Variants in MGA observed in about 807,000 individuals in gnomAD.
MGA encodes MAX gene-associated protein.
MGA carries 40 observed loss-of-function variants against 261.1 expected under a neutral mutation model. The ratio of observed to expected loss-of-function variants is 0.15; its 90% CI spans 0.12 to 0.20. The LOEUF (loss-of-function observed/expected upper bound fraction) is 0.20, where lower values mean the gene tolerates loss of function less well. Among genes scored for constraint, MGA ranks in the 10% least tolerant of loss-of-function variants. The pLI, the probability that MGA is intolerant of heterozygous loss-of-function variation, is 1.00. For synonymous variants in MGA, 1,302 were observed against 1,290.6 expected, an observed-to-expected ratio of 1.01 and a Z score of -0.19; for missense variants, 3,397 against 3,630.5, an observed-to-expected ratio of 0.94 and a Z score of 1.65.
intron 22 of MGA, 135 bp downstream of exon 22, chr15:41,762,497 C>T (rs2063537143): frequency 1.8e-5 from 9 of 498,370 alleles, no homozygotes; most frequent in South Asian, 1.7e-4. Context: ...TTTTTGGAGA[C>T]AGCTCTGTCG....
At chr15:41,630,167 C>G (rs1693068192) in intron 1 of MGA, among the ~76,000 whole-genome samples, 1 of 152,078 alleles carries the variant, frequency 6.6e-6, no homozygotes, top group Non-Finnish European at 1.5e-5. Flanking sequence ...TCTTTTATAA[C>G]CCCCTTTTGG....
chr15:41,648,463 T>C (rs531287310), intron 1 of MGA, among the ~76,000 whole-genome samples: 20 of 152,332 alleles, frequency 1.3e-4, no homozygotes, highest in Non-Finnish European at 2.4e-4. Flanking sequence ...TAAGTAAATA[T>C]ACATTTTGGT....
intron 2 of MGA, among the ~76,000 whole-genome samples, chr15:41,687,510 C>T (rs1362443999): frequency 6.6e-6 from 1 of 152,036 alleles, no homozygotes; most frequent in Non-Finnish European, 1.5e-5. Flanking sequence ...TAGCCCTTTA[C>T]AGAAAAAAAT....
rs370436878 is a variant in MGA at position 41,669,789 on chromosome 15, G to C, written c.895G>C (p.Gly299Arg). ...TCGGGTCCGTCTTACAGAAGGTCAGGGGTCAGAGATACAACCAGGTGATTT... is the reference window on the plus strand; with the variant it reads ...TCGGGTCCGTCTTACAGAAGGTCAGCGGTCAGAGATACAACCAGGTGATTT... The change falls in exon 2 of 24, where the codon GGG (glycine) becomes CGG (arginine). Residue 299 changes from glycine (G) to arginine (R), a missense_variant. Coordinates refer to ENST00000219905, the MANE Select transcript of MGA (RefSeq NM_001164273.2). The C allele has an allele frequency of 6.2e-7, 1 of 1,613,858 alleles. No individual in the cohort carries two copies. Among genetic ancestry groups the C allele is most frequent in the African/African-American group, 1.3e-5 (1 of 74,910 alleles).
At chr15:41,645,311 C>G (rs573848609) in intron 1 of MGA, among the ~76,000 whole-genome samples, 1 of 152,176 alleles carries the variant, frequency 6.6e-6, no homozygotes, top group Non-Finnish European at 1.5e-5. Flanking sequence ...CTGTTAGGGC[C>G]GAGTGCGGTG....
At position 41,749,613 on chromosome 15, in the gene MGA, C is replaced by T. The variant is rs1313673899; in HGVS notation, c.6006C>T (p.Asp2002=). The T allele has an allele frequency of 1.9e-6, 3 of 1,613,834 alleles. No homozygotes were observed. The highest frequency in any genetic ancestry group is 1.7e-5 in the Admixed American group (1 of 59,984). The change falls in exon 17 of 24, where the codon GAC becomes GAT. Residue 2002 remains aspartate (D), a synonymous_variant. Coordinates refer to ENST00000219905, the MANE Select transcript of MGA (RefSeq NM_001164273.2). The stretch of plus-strand genomic sequence containing the variant: ...TACAGTCAGAAGGAGAGGCTGTAGA[C>T]CCTGAGGCTAATGTAATAAAACAAA...
At chr15:41,722,065 C>T (rs1031969636) in intron 9 of MGA, among the ~76,000 whole-genome samples, 31 of 150,526 alleles carry the variant, frequency 2.1e-4, no homozygotes, top group African/African-American at 6.6e-4. Flanking sequence ...AGGGGAAAAA[C>T]GCCAGGTAAA....
chr15:41,684,109 G>T (rs1403319787), intron 2 of MGA, among the ~76,000 whole-genome samples: 1 of 151,970 alleles, frequency 6.6e-6, no homozygotes. Context: ...TTGTCTACTT[G>T]TCTGTCTCCT....
At chr15:41,731,277 G>C (rs1033259844) in intron 11 of MGA, among the ~76,000 whole-genome samples, 1 of 151,850 alleles carries the variant, frequency 6.6e-6, no homozygotes, top group South Asian at 2.1e-4. Context: ...TAAAAACTTT[G>C]TTACCTATAT....
chr15:41,692,995 G>A lies in MGA; in HGVS notation c.1065-3080G>A, dbSNP rs563136321. ...TTATAGGCGTGAGCCACTGCGCCCA[G>A]CCAATTTTTTAAAAAATATTTTAGT... On this transcript the variant is annotated intron_variant, in intron 2 of 23. Coordinates refer to ENST00000219905, the MANE Select transcript of MGA (RefSeq NM_001164273.2). Among the ~76,000 whole-genome samples the A allele has an allele frequency of 3.0e-4, 46 of 152,222 alleles. 1 individual carries two copies. The highest frequency in any genetic ancestry group is 1.0e-3 in the African/African-American group (43 of 41,540).
At chr15:41,746,780 T>C (rs1382510796) in intron 15 of MGA, among the ~76,000 whole-genome samples, 1 of 152,034 alleles carries the variant, frequency 6.6e-6, no homozygotes, top group African/African-American at 2.4e-5. Flanking sequence ...AAAGTCTTTG[T>C]TTTGTTTCAT....
In MGA at chr15:41,766,482, G is replaced by A. The variant is rs1567115757; in HGVS notation, c.8400G>A (p.Glu2800=). Residue 2800 remains glutamate (E), a synonymous_variant, in exon 24 of 24, where the codon GAG becomes GAA. Transcript: ENST00000219905. Reference sequence around the variant, plus strand: ...TGAGGAAAGTAACATCAGCTATAGAGGAAGCAGCTCTTGATTCCAGTGAAC... The same window carrying A: ...TGAGGAAAGTAACATCAGCTATAGAAGAAGCAGCTCTTGATTCCAGTGAAC... 1 of 1,614,002 alleles carries A rather than the reference G, an allele frequency of 6.2e-7. No individual in the cohort carries two copies. Among genetic ancestry groups the A allele is most frequent in the Admixed American group, 1.7e-5 (1 of 60,026 alleles).
rs527697638 is a variant in MGA at position 41,705,374 on chromosome 15, T to C, written c.2189-2354T>C. Among the ~76,000 whole-genome samples, 9 of 152,240 alleles carry C rather than the reference T, an allele frequency of 5.9e-5. No homozygotes were observed. In the East Asian group the frequency reaches 1.5e-3, roughly 26 times the overall value. On this transcript the variant is annotated intron_variant, in intron 5 of 23. Coordinates refer to ENST00000219905, the MANE Select transcript of MGA (RefSeq NM_001164273.2). ...AAGCTTCTTGAGGTCTTTTTTTTTT[T>C]CAAGACAGGATTTTGCTTTTTTGCC...
chr15:41,696,849 A>G lies in MGA; in HGVS notation c.1839A>G (p.Lys613=), dbSNP rs118002974. 4.7e-4 allele frequency: 753 copies of G among 1,599,170 alleles called. 4 individuals are homozygous for G. In the East Asian group the frequency reaches 0.014, roughly 30 times the overall value. The change falls in exon 3 of 24, where the codon AAA becomes AAG. Residue 613 remains lysine (K), a synonymous_variant. Transcript: ENST00000219905. ...ATGCCTCTCCAAATGTCCCTGGAAAAAGAGGAAGGCCACGAAAATTGAAAC... is the reference window on the plus strand; with the variant it reads ...ATGCCTCTCCAAATGTCCCTGGAAAGAGAGGAAGGCCACGAAAATTGAAAC...
intron 2 of MGA, among the ~76,000 whole-genome samples, chr15:41,694,532 CTT>C (rs145618716): frequency 2.1e-4 from 30 of 143,940 alleles, no homozygotes; most frequent in Non-Finnish European, 1.8e-4. Flanking sequence ...GGCTTTTTTT[CTT>C]TTTTTTTTTT....
chr15:41,743,236 T>A, intron 15 of MGA, 64 bp downstream of exon 15: 1 of 1,467,636 alleles, frequency 6.8e-7, no homozygotes, highest in Non-Finnish European at 9.1e-7. Flanking sequence ...ACTTTGTGGT[T>A]GTGTTAGGAT....
rs577147820 is a variant in MGA at position 41,685,168 on chromosome 15, G to A, written c.1065-10907G>A. ...TACATGCTGTGAAGGGTCAGGGTTC[G>A]TATTTTTCCATGCAGATGGCTAGGT... On this transcript the variant is annotated intron_variant, in intron 2 of 23. Coordinates refer to ENST00000219905, the MANE Select transcript of MGA (RefSeq NM_001164273.2). 9.2e-5 allele frequency among the ~76,000 whole-genome samples: 14 copies of A among 152,130 alleles called. 1 individual carries two copies. Among genetic ancestry groups the A allele is most frequent in the African/African-American group, 2.9e-4 (12 of 41,428 alleles).
At chr15:41,764,614 G>A (rs979144266) in intron 22 of MGA, among the ~76,000 whole-genome samples, 4 of 151,944 alleles carry the variant, frequency 2.6e-5, no homozygotes, top group Non-Finnish European at 4.4e-5. Flanking sequence ...CTCGCTTGCA[G>A]CCTTGACCTC....
At chr15:41,722,860 G>A (rs1169978559) in intron 9 of MGA, among the ~76,000 whole-genome samples, 4 of 152,256 alleles carry the variant, frequency 2.6e-5, no homozygotes, top group South Asian at 2.1e-4. Context: ...CAAGTCCATC[G>A]CTCTAAGAGG....
Sources: allele counts gnomAD v4.1 joint callset (sites outside exome capture counted in the v4.1 genomes callset), GRCh38; gene constraint gnomAD v4.1.1; transcripts MANE v1.5; gene names NCBI Gene and HGNC (gene_info 2026-07-23, HGNC 2026-07-21).